SNRPD1: variants seen among roughly 807,000 people sequenced by gnomAD.
SNRPD1 encodes the protein small nuclear ribonucleoprotein D1 polypeptide, also known as small nuclear ribonucleoprotein Sm D1.
Under a neutral mutation model 14.4 loss-of-function variants are expected in SNRPD1, and 1 was observed. That is an observed-to-expected ratio of 0.07 (90% CI 0.02 to 0.33). The LOEUF (loss-of-function observed/expected upper bound fraction) is 0.33, where lower values mean the gene tolerates loss of function less well. Ranked by LOEUF, SNRPD1 falls within the 10% of genes least tolerant of loss-of-function variation. The pLI, the probability that SNRPD1 is intolerant of heterozygous loss-of-function variation, is 1.00. For synonymous variants in SNRPD1, 42 were observed against 50.3 expected, an observed-to-expected ratio of 0.83 and a Z score of 0.70; for missense variants, 52 against 146.4, an observed-to-expected ratio of 0.36 and a Z score of 3.33.
chr18:21,625,315 A>ATTTTTTTTTT lies in SNRPD1; in HGVS notation c.283+1376_283+1377insTTTTTTTTTT, dbSNP rs748864232. On this transcript the variant is annotated intron_variant, in intron 3 of 3. Transcript: ENST00000300413. ...TTCTATTTAAAATTTTGTTGAAAAA[A>ATTTTTTTTTT]ATTTTTTTTTTTTTTTTTGAGATGG... is the stretch of plus-strand genomic sequence containing the variant. 2.8e-3 allele frequency among the ~76,000 whole-genome samples: 273 copies of ATTTTTTTTTT among 98,194 alleles called. 11 individuals are homozygous for ATTTTTTTTTT. Among genetic ancestry groups the ATTTTTTTTTT allele is most frequent in the East Asian group, 8.9e-3 (27 of 3,030 alleles). 64.4% of individuals were successfully genotyped at this position (98,194 alleles called of 152,430 possible). A position where few individuals can be genotyped will look rare whatever the true frequency, so the allele number is the denominator to read the frequency against.
At chr18:21,624,702 A>G (rs1045540857) in intron 3 of SNRPD1, among the ~76,000 whole-genome samples, 2 of 140,112 alleles carry the variant, frequency 1.4e-5, no homozygotes, top group Non-Finnish European at 3.0e-5. Flanking sequence ...AAAAAAAAAA[A>G]TATATATATA....
At chr18:21,616,457 A>C (rs1035147576) in intron 1 of SNRPD1, among the ~76,000 whole-genome samples, 1 of 151,732 alleles carries the variant, frequency 6.6e-6, no homozygotes, top group Non-Finnish European at 1.5e-5. Flanking sequence ...TTCCAGGTTC[A>C]AGCGATTCTC....
chr18:21,624,560 G>A (rs975414305), intron 3 of SNRPD1, among the ~76,000 whole-genome samples: 3 of 151,654 alleles, frequency 2.0e-5, no homozygotes, highest in Non-Finnish European at 4.4e-5. Context: ...GCGTGGTGGT[G>A]CGTGCCTTTA....
At chr18:21,624,791 C>T (rs949996058) in intron 3 of SNRPD1, among the ~76,000 whole-genome samples, 3 of 151,846 alleles carry the variant, frequency 2.0e-5, no homozygotes, top group Non-Finnish European at 4.4e-5. Flanking sequence ...CTGCTTTCCA[C>T]TTTAAAAAAA....
intron 1 of SNRPD1, among the ~76,000 whole-genome samples, chr18:21,615,640 A>C (rs1359149592): frequency 1.3e-5 from 2 of 152,202 alleles, no homozygotes; most frequent in Non-Finnish European, 2.9e-5. Flanking sequence ...AAAAGAAAAA[A>C]AAAGCTCCGT....
chr18:21,619,898 C>T lies in SNRPD1; in HGVS notation c.15-2827C>T, dbSNP rs139333838. ...GTCCTGGGCTCTAGCGATCCTCCCA[C>T]CTCAGACTCCGAGGAGCTGAGACTA... On this transcript the variant is annotated intron_variant, in intron 1 of 3. Transcript: ENST00000300413. Among the ~76,000 whole-genome samples, 74 of 152,324 alleles carry T rather than the reference C, an allele frequency of 4.9e-4. No individual in the cohort carries two copies. In the East Asian group the frequency reaches 0.013, roughly 27 times the overall value.
At chr18:21,622,267 G>T (rs2039003645) in intron 1 of SNRPD1, among the ~76,000 whole-genome samples, 1 of 151,984 alleles carries the variant, frequency 6.6e-6, no homozygotes, top group Admixed American at 6.6e-5. Flanking sequence ...AGCCTCCCGA[G>T]TAGCTGGGAC....
intron 3 of SNRPD1, among the ~76,000 whole-genome samples, chr18:21,625,643 C>T (rs1024231616): frequency 6.6e-6 from 1 of 151,728 alleles, no homozygotes; most frequent in Admixed American, 6.6e-5. Flanking sequence ...TGGACTCTCA[C>T]TCTGTCGCCC....
At chr18:21,618,433 C>T (rs1033952793) in intron 1 of SNRPD1, among the ~76,000 whole-genome samples, 1 of 151,198 alleles carries the variant, frequency 6.6e-6, no homozygotes, top group Non-Finnish European at 1.5e-5. Context: ...AGCCACCGCG[C>T]CTGGCCACAT....
chr18:21,613,339 T>C (rs1474061081), intron 1 of SNRPD1, among the ~76,000 whole-genome samples: 1 of 152,228 alleles, frequency 6.6e-6, no homozygotes, highest in Non-Finnish European at 1.5e-5. Context: ...CCAGCAATTA[T>C]AAATATTTAG....
intron 1 of SNRPD1, among the ~76,000 whole-genome samples, chr18:21,613,056 C>G (rs975136165): frequency 6.6e-6 from 1 of 152,144 alleles, no homozygotes. Flanking sequence ...ATTATTCCAC[C>G]TCTATTTCCC....
rs1001399280 is a variant in SNRPD1, at chr18:21,622,753, G to A, written c.43G>A (p.Val15Ile). The A allele has an allele frequency of 1.3e-6, 2 of 1,576,914 alleles. No individual in the cohort carries two copies. The highest frequency in any genetic ancestry group is 1.7e-6 in the Non-Finnish European group (2 of 1,146,484). The change falls in exon 2 of 4, where the codon GTA (valine) becomes ATA (isoleucine). Residue 15 changes from valine (V) to isoleucine (I), a missense_variant. Coordinates refer to ENST00000300413, the MANE Select transcript of SNRPD1 (RefSeq NM_006938.4). ...TTTGATGAAATTGAGTCATGAAACT[G>A]TAACCATTGAATTGAAGAACGGAAC... ...RFLMKLSHET[V>I]TIELKNGTQV... is the part of the protein sequence containing the mutation.
chr18:21,613,998 CGTG>C (rs2038939820), intron 1 of SNRPD1, among the ~76,000 whole-genome samples: 1 of 151,816 alleles, frequency 6.6e-6, no homozygotes, highest in Non-Finnish European at 1.5e-5. Context: ...TTAGGCTGGA[CGTG>C]GTGGCTCACG....
At chr18:21,626,660 A>AC (rs1259085566) in intron 3 of SNRPD1, among the ~76,000 whole-genome samples, 7 of 149,408 alleles carry the variant, frequency 4.7e-5, no homozygotes, top group Non-Finnish European at 7.4e-5. Flanking sequence ...GGTGGCGGTC[A>AC]CCTATAATCC....
intron 2 of SNRPD1, 72 bp downstream of exon 2, chr18:21,622,873 T>G (rs1345990591): frequency 4.0e-6 from 3 of 744,340 alleles, no homozygotes; most frequent in Non-Finnish European, 7.2e-6. Flanking sequence ...ATTTTTTTAT[T>G]GCTTAATGAA....
intron 1 of SNRPD1, among the ~76,000 whole-genome samples, chr18:21,615,340 G>A (rs373593014): frequency 2.2e-4 from 33 of 152,326 alleles, no homozygotes; most frequent in East Asian, 1.2e-3. Context: ...TTTAGGCCGG[G>A]CGCAGTGGCT....
chr18:21,622,163 G>T (rs1162357191), intron 1 of SNRPD1, among the ~76,000 whole-genome samples: 1 of 149,578 alleles, frequency 6.7e-6, no homozygotes, highest in South Asian at 2.1e-4. Context: ...TTTTTGAGAC[G>T]GAGTCTCGCT....
chr18:21,615,011 C>G (rs571100244), intron 1 of SNRPD1, among the ~76,000 whole-genome samples: 1 of 152,060 alleles, frequency 6.6e-6, no homozygotes, highest in Non-Finnish European at 1.5e-5. Flanking sequence ...GTGTATATTT[C>G]CTGCTATTGA....
At position 21,612,341 on chromosome 18, in the gene SNRPD1, C is replaced by T. The variant is rs1429807302; in HGVS notation, c.-89C>T. The stretch of plus-strand genomic sequence containing the variant: ...TGACGTCCGGAGCCCCTGGAGTAGG[C>T]GCTTCCGGCCATTCATACTGCAGTC... On this transcript the variant is annotated 5_prime_UTR_variant, in exon 1 of 4. Transcript: ENST00000300413. 5 of 998,622 alleles carry T rather than the reference C, an allele frequency of 5.0e-6. No individual in the cohort carries two copies. Among genetic ancestry groups the T allele is most frequent in the East Asian group, 2.8e-5 (1 of 35,374 alleles). The allele number at this position is 998,622 out of a possible 1,614,324, so 61.9% of individuals were successfully genotyped here.
Sources: allele counts gnomAD v4.1 joint callset (sites outside exome capture counted in the v4.1 genomes callset), GRCh38; gene constraint gnomAD v4.1.1; transcripts MANE v1.5; gene names NCBI Gene and HGNC (gene_info 2026-07-23, HGNC 2026-07-21).